Variants in CDK19 observed in about 807,000 individuals in gnomAD.
CDK19 encodes cyclin dependent kinase 19.
A neutral mutation model predicts 68.3 loss-of-function variants in CDK19; 20 were observed. The observed-to-expected ratio is 0.29, with a 90% CI of 0.21 to 0.43. CDK19 has a LOEUF of 0.43. Among genes scored for constraint, CDK19 ranks in the 20% least tolerant of loss-of-function variants. The pLI is 1.00. For synonymous variants in CDK19, 221 were observed against 222.8 expected (o/e 0.99, Z 0.07); for missense variants, 339 against 623.5 (o/e 0.54, Z 4.86).
At chr6:110,781,341 T>C (rs192404635) in intron 1 of CDK19, among the ~76,000 whole-genome samples, 27 of 152,210 alleles carry the variant, frequency 1.8e-4, no homozygotes, top group Admixed American at 3.3e-4. Flanking sequence ...TGGGAACCGA[T>C]AGAGCAAGAA....
At chr6:110,796,123 G>T (rs1781920700) in intron 1 of CDK19, among the ~76,000 whole-genome samples, 1 of 152,092 alleles carries the variant, frequency 6.6e-6, no homozygotes, top group Admixed American at 6.6e-5. Context: ...CAGATCATGA[G>T]GTCAAGAGAT....
intron 1 of CDK19, among the ~76,000 whole-genome samples, chr6:110,771,979 A>T (rs898250931): frequency 2.6e-5 from 4 of 152,174 alleles, no homozygotes; most frequent in Non-Finnish European, 5.9e-5. Flanking sequence ...TTTTGGGCAA[A>T]GCCACTCAAC....
At chr6:110,684,070 C>T (rs13192899) in intron 2 of CDK19, among the ~76,000 whole-genome samples, 17 of 151,854 alleles carry the variant, frequency 1.1e-4, no homozygotes, top group Admixed American at 9.2e-4. Flanking sequence ...ATCAAGGGCA[C>T]TCTGAATATA....
At chr6:110,678,458 T>C (rs965535916) in intron 2 of CDK19, among the ~76,000 whole-genome samples, 2 of 152,164 alleles carry the variant, frequency 1.3e-5, no homozygotes, top group East Asian at 1.9e-4. Flanking sequence ...CCTCAGTTAA[T>C]AGCAACTCCA....
chr6:110,670,556 AAG>A lies in CDK19; in HGVS notation c.205-17_205-16del, dbSNP rs1770906559. 23 of 1,422,496 alleles carry A rather than the reference AAG, an allele frequency of 1.6e-5. No individual in the cohort carries two copies. The highest frequency in any genetic ancestry group is 1.9e-5 in the Non-Finnish European group (19 of 1,005,752). The allele number at this position is 1,422,496 out of a possible 1,614,324, so 88.1% of individuals were successfully genotyped here. A position where few individuals can be genotyped will look rare whatever the true frequency, so the allele number is the denominator to read the frequency against. ...TCTCGCAAAAGCTGAATGCAAAAGA[AAG>A]AGAGGGGTCACTGTTGTGTTAGCAA... On this transcript the variant is annotated splice_polypyrimidine_tract_variant and intron_variant, in intron 2 of 12. Transcript: ENST00000368911.
chr6:110,727,634 GT>G, intron 2 of CDK19, among the ~76,000 whole-genome samples: 1 of 20,724 alleles, frequency 4.8e-5, no homozygotes, highest in Non-Finnish European at 2.3e-4. Context: ...GAAAATCTCT[GT>G]CTGCCCTCTC....
rs1778764426 is a variant in CDK19 at position 110,622,224 on chromosome 6, C to G, written c.1032-58G>C. On this transcript the variant is annotated intron_variant, in intron 10 of 12. Transcript: ENST00000368911. ...GATCTAAAATCTGTAATATCATTACCTTGTTAATTTAAAATTCCAATTTGT... is the reference window on the plus strand; with the variant it reads ...GATCTAAAATCTGTAATATCATTACGTTGTTAATTTAAAATTCCAATTTGT... The G allele has an allele frequency of 5.6e-5, 63 of 1,129,142 alleles. 1 individual carries two copies. In the South Asian group the frequency reaches 8.0e-4, roughly 14 times the overall value. 69.9% of individuals were successfully genotyped at this position (1,129,142 alleles called of 1,614,324 possible).
intron 2 of CDK19, among the ~76,000 whole-genome samples, chr6:110,711,744 G>A (rs529561856): frequency 3.9e-5 from 6 of 152,354 alleles, no homozygotes; most frequent in Admixed American, 3.3e-4. Context: ...AAGGCGGGTG[G>A]ATCACCTGAG....
intron 2 of CDK19, among the ~76,000 whole-genome samples, chr6:110,727,962 T>G (rs566384869): frequency 6.8e-6 from 1 of 147,128 alleles, no homozygotes; most frequent in East Asian, 2.0e-4. Context: ...CACTGCAGCC[T>G]GGGCAACTGA....
At chr6:110,615,604 C>T (rs1778262792) in intron 12 of CDK19, among the ~76,000 whole-genome samples, 1 of 152,230 alleles carries the variant, frequency 6.6e-6, no homozygotes, top group Admixed American at 6.5e-5. Flanking sequence ...TTGCCTTTAA[C>T]CTCCAAACTG....
chr6:110,741,405 C>T (rs754243018), intron 2 of CDK19, among the ~76,000 whole-genome samples: 2 of 151,314 alleles, frequency 1.3e-5, no homozygotes, highest in Non-Finnish European at 2.9e-5. Context: ...AAGGCTGCAG[C>T]GAGCATGATT....
At position 110,801,598 on chromosome 6, in the gene CDK19, G is replaced by A. The variant is rs566075566; in HGVS notation, c.128+13411C>T. Among the ~76,000 whole-genome samples the A allele has an allele frequency of 1.1e-4, 16 of 151,904 alleles. No individual in the cohort carries two copies. In the South Asian group the frequency reaches 3.1e-3, roughly 30 times the overall value. The stretch of plus-strand genomic sequence containing the variant: ...GTCATCTCGGCTTACTGCAAGCTCC[G>A]CCTCCCAGGTTCACACCATTCTCCT... On this transcript the variant is annotated intron_variant, in intron 1 of 12. Coordinates refer to ENST00000368911, the MANE Select transcript of CDK19 (RefSeq NM_015076.5).
At chr6:110,769,713 T>A (rs904405100) in intron 1 of CDK19, among the ~76,000 whole-genome samples, 7 of 152,164 alleles carry the variant, frequency 4.6e-5, no homozygotes, top group African/African-American at 1.7e-4. Context: ...AATATTTTCA[T>A]AACCATCCAT....
rs1460166602 is a variant in CDK19 at position 110,733,331 on chromosome 6, T to C, written c.204+12795A>G. Among the ~76,000 whole-genome samples, 7 of 152,328 alleles carry C rather than the reference T, an allele frequency of 4.6e-5. No individual in the cohort carries two copies. The East Asian group carries it at 1.3e-3, about 29-fold the overall frequency. On this transcript the variant is annotated intron_variant, in intron 2 of 12. Transcript: ENST00000368911. ...ATGCAGTCTATGGATACACCATAAA[T>C]TATTGATCCACTCTCCTATGGCTGA...
In CDK19 at chr6:110,621,465, G is replaced by A; in HGVS notation, c.1111-95C>T. The A allele has an allele frequency of 8.0e-7, 1 of 1,243,048 alleles. No homozygotes were observed. The highest frequency in any genetic ancestry group is 1.1e-6 in the Non-Finnish European group (1 of 891,814). 77.0% of individuals were successfully genotyped at this position (1,243,048 alleles called of 1,614,324 possible). On this transcript the variant is annotated intron_variant, in intron 11 of 12. Transcript: ENST00000368911. This position sits in a 1 kb window ranked among gnomAD's most constrained non-coding sequence, Gnocchi z 5.4. ...TGCACATGTGGCTGCTGACCAACCT[G>A]GGGGAGCAATCTATGTGGGACACTA...
At chr6:110,758,431 T>C (rs1778976386) in intron 1 of CDK19, among the ~76,000 whole-genome samples, 1 of 152,174 alleles carries the variant, frequency 6.6e-6, no homozygotes, top group African/African-American at 2.4e-5. Context: ...GACCTTACCA[T>C]ACTTTATTAT....
At chr6:110,752,985 A>G (rs1007340711) in intron 1 of CDK19, among the ~76,000 whole-genome samples, 9 of 152,168 alleles carry the variant, frequency 5.9e-5, no homozygotes, top group Middle Eastern at 3.2e-3. Context: ...GTTGGAAGGC[A>G]GTGGTACGAC....
Position 110,621,236 on chromosome 6 carries a change from C to T in CDK19, c.1245G>A (p.Gly415=), listed in dbSNP as rs1209006247. The change falls in exon 12 of 13, where the codon GGG becomes GGA. Residue 415 remains glycine (G), a synonymous_variant. Transcript: ENST00000368911. The surrounding 1 kb of genome is among the most constrained non-coding windows in gnomAD (Gnocchi z 5.4). ...GCAACCCTGCTCCGGTGCCCCCGAC[C>T]CCGGCCCCAGCCCCACCTGCGGTCC... ...TNGTAGGAGA[G]VGGTGAGLQH... is the part of the protein sequence containing the mutation. 3 of 1,613,192 alleles carry T rather than the reference C, an allele frequency of 1.9e-6. No individual in the cohort carries two copies. Among genetic ancestry groups the T allele is most frequent in the Non-Finnish European group, 2.5e-6 (3 of 1,179,946 alleles).
At chr6:110,677,407 C>CA (rs1257316808) in intron 2 of CDK19, among the ~76,000 whole-genome samples, 52 of 150,568 alleles carry the variant, frequency 3.5e-4, no homozygotes, top group African/African-American at 1.1e-3. Flanking sequence ...ATTAAAAATA[C>CA]AAAAAAAAAT....
Sources: allele counts gnomAD v4.1 joint callset (sites outside exome capture counted in the v4.1 genomes callset), GRCh38; gene constraint gnomAD v4.1.1; non-coding constraint Gnocchi (gnomAD v3.1); transcripts MANE v1.5; gene names NCBI Gene and HGNC (gene_info 2026-07-23, HGNC 2026-07-21).